FGF14: variants seen among roughly 807,000 people sequenced by gnomAD.
FGF14 encodes the protein fibroblast growth factor homologous factor 4.
In FGF14, 5 loss-of-function variants were observed where a neutral mutation model predicts 25.5. That is an observed-to-expected ratio of 0.20 (90% CI 0.10 to 0.41). FGF14 has a LOEUF of 0.41. Among genes scored for constraint, FGF14 ranks in the 10% least tolerant of loss-of-function variants. The probability of loss-of-function intolerance (pLI) is 1.00; values close to 1 mark genes in which losing one functional copy is unlikely to be tolerated. For synonymous variants in FGF14, 138 were observed against 118.3 expected, an observed-to-expected ratio of 1.17 and a Z score of -1.08; for missense variants, 222 against 320.1, an observed-to-expected ratio of 0.69 and a Z score of 2.34.
At chr13:102,144,944 A>G (rs560984916) in intron 1 of FGF14, among the ~76,000 whole-genome samples, 3 of 152,194 alleles carry the variant, frequency 2.0e-5, no homozygotes, top group Non-Finnish European at 2.9e-5. Flanking sequence ...CCACTTATAT[A>G]TTTATTTTTA....
intron 1 of FGF14, among the ~76,000 whole-genome samples, chr13:102,348,793 C>T (rs942181455): frequency 3.9e-5 from 6 of 152,152 alleles, no homozygotes; most frequent in Admixed American, 6.5e-5. Context: ...GCAATTTAGC[C>T]GGGTGTTGGG....
At chr13:101,788,223 A>G (rs1336054630) in intron 3 of FGF14, among the ~76,000 whole-genome samples, 1 of 151,960 alleles carries the variant, frequency 6.6e-6, no homozygotes, top group East Asian at 1.9e-4. Context: ...CAGTTCTGCT[A>G]GCATGGTATA....
chr13:102,008,534 T>C (rs1203141031), intron 1 of FGF14, among the ~76,000 whole-genome samples: 3 of 152,214 alleles, frequency 2.0e-5, no homozygotes, highest in Non-Finnish European at 2.9e-5. Context: ...AGTACAAAGA[T>C]AGTGACGTTC....
At chr13:101,941,208 C>G (rs976357599) in intron 1 of FGF14, among the ~76,000 whole-genome samples, 2 of 152,200 alleles carry the variant, frequency 1.3e-5, no homozygotes, top group Non-Finnish European at 2.9e-5. Context: ...GAGTCAACAC[C>G]TTTTCACAAA....
intron 1 of FGF14, among the ~76,000 whole-genome samples, chr13:101,968,092 G>C (rs565728114): frequency 1.3e-5 from 2 of 152,278 alleles, no homozygotes; most frequent in South Asian, 4.1e-4. Context: ...TGATGACTTG[G>C]AAGGGAATCT....
At chr13:102,085,703 G>A (rs868382334) in intron 1 of FGF14, among the ~76,000 whole-genome samples, 1 of 152,166 alleles carries the variant, frequency 6.6e-6, no homozygotes, top group Non-Finnish European at 1.5e-5. Context: ...TACACAGGTG[G>A]CAGAAAAAGC....
At position 101,999,929 on chromosome 13, in the gene FGF14, T is replaced by C. The variant is rs186458997; in HGVS notation, c.209-124633A>G. On this transcript the variant is annotated intron_variant, in intron 1 of 4. Transcript: ENST00000376131. ...GGTCACTCAAATTCCTTGAGTTTCT[T>C]CAAAGCTATTCTTAACTCTGAGATT... Among the ~76,000 whole-genome samples, 426 of 152,288 alleles carry C rather than the reference T, an allele frequency of 2.8e-3. 1 individual carries two copies. Among genetic ancestry groups the C allele is most frequent in the Non-Finnish European group, 2.2e-3 (150 of 68,034 alleles).
chr13:101,973,435 G>A (rs989822306), intron 1 of FGF14, among the ~76,000 whole-genome samples: 1 of 152,106 alleles, frequency 6.6e-6, no homozygotes, highest in African/African-American at 2.4e-5. Context: ...GAACGTATTA[G>A]TCAATGTTCT....
At chr13:102,187,003 T>C (rs1376981380) in intron 1 of FGF14, among the ~76,000 whole-genome samples, 2 of 152,168 alleles carry the variant, frequency 1.3e-5, no homozygotes, top group African/African-American at 4.8e-5. Flanking sequence ...ACCTGAGTTA[T>C]ACATGTGGTG....
At chr13:101,831,930 A>G (rs895704402) in intron 3 of FGF14, among the ~76,000 whole-genome samples, 9 of 152,086 alleles carry the variant, frequency 5.9e-5, no homozygotes, top group Admixed American at 5.9e-4. Context: ...TGTGATTGGG[A>G]TTTAAAGTAG....
At chr13:101,884,778 G>A (rs1570464) in intron 1 of FGF14, among the ~76,000 whole-genome samples, 51,792 of 151,582 alleles carry the variant, frequency 0.34, 9,020 homozygotes, top group African/African-American at 0.41. Context: ...TTATTTAAAC[G>A]GTGGAAATGT....
At chr13:101,960,468 C>A (rs1017767106) in intron 1 of FGF14, among the ~76,000 whole-genome samples, 1 of 151,960 alleles carries the variant, frequency 6.6e-6, no homozygotes, top group South Asian at 2.1e-4. Flanking sequence ...GTTTGGTTTT[C>A]TGCTGAGGAT....
At chr13:101,767,817 A>G (rs2038502874) in intron 3 of FGF14, among the ~76,000 whole-genome samples, 1 of 152,198 alleles carries the variant, frequency 6.6e-6, no homozygotes, top group Admixed American at 6.5e-5. Context: ...AGAAGGAAAA[A>G]AATGGTCATT....
At chr13:102,013,444 C>T (rs9557787) in intron 1 of FGF14, among the ~76,000 whole-genome samples, 47,332 of 152,066 alleles carry the variant, frequency 0.31, 8,330 homozygotes, top group East Asian at 0.73. Flanking sequence ...GAAGAAAACA[C>T]TGTCAAATGG....
intron 1 of FGF14, among the ~76,000 whole-genome samples, chr13:102,146,550 A>C (rs1234115846): frequency 6.6e-6 from 1 of 152,102 alleles, no homozygotes; most frequent in African/African-American, 2.4e-5. Flanking sequence ...GCTAGAAGAC[A>C]CTCTTTTCCA....
intron 1 of FGF14, among the ~76,000 whole-genome samples, chr13:101,989,996 C>T (rs1468666686): frequency 1.3e-5 from 2 of 152,042 alleles, no homozygotes; most frequent in East Asian, 1.9e-4. Flanking sequence ...TCTGTCTCAC[C>T]GTTTCTTCCA....
At chr13:101,850,858 C>T (rs1052881111) in intron 3 of FGF14, among the ~76,000 whole-genome samples, 7 of 151,342 alleles carry the variant, frequency 4.6e-5, no homozygotes, top group African/African-American at 1.7e-4. Flanking sequence ...ACTTTCTAAC[C>T]AAAACAGTTT....
At chr13:102,132,320 T>C (rs144023943) in intron 1 of FGF14, among the ~76,000 whole-genome samples, 21 of 152,292 alleles carry the variant, frequency 1.4e-4, no homozygotes, top group African/African-American at 4.6e-4. Context: ...GTACTACTTT[T>C]GTAAATTTAA....
At chr13:102,397,736 T>G (rs915675573) in intron 1 of FGF14, among the ~76,000 whole-genome samples, 3 of 152,202 alleles carry the variant, frequency 2.0e-5, no homozygotes, top group African/African-American at 7.2e-5. Flanking sequence ...TCAACCACAC[T>G]TCTTTCCTTA....
Sources: gnomAD v4.1 joint callset for allele counts (sites outside exome capture counted in the v4.1 genomes callset) on GRCh38, gnomAD v4.1.1 for gene constraint, MANE v1.5 for transcripts, NCBI Gene and HGNC (gene_info 2026-07-23, HGNC 2026-07-21) for gene names.